The following THRB variants were observed in gnomAD, a reference collection of about 807,000 sequenced individuals.
THRB encodes thyroid hormone receptor beta.
In THRB, 12 loss-of-function variants were observed where a neutral mutation model predicts 47.8. That is an observed-to-expected ratio of 0.25 (90% confidence interval 0.16 to 0.41). The LOEUF (loss-of-function observed/expected upper bound fraction) is 0.41. THRB is among the 10% of genes least tolerant of loss of function. The pLI, the probability that THRB is intolerant of heterozygous loss-of-function variation, is 1.00. For synonymous variants in THRB, 218 were observed against 212.2 expected (o/e 1.03, Z -0.24); for missense variants, 348 against 589.2 (o/e 0.59, Z 4.24).
intron 4 of THRB, among the ~76,000 whole-genome samples, chr3:24,218,362 T>TTTA (rs1553649054): frequency 1.5e-4 from 19 of 128,434 alleles, no homozygotes; most frequent in South Asian, 2.5e-4. Context: ...TTTTTTTTTT[T>TTTA]AAAAAGAAAA....
At chr3:24,167,726 CTCTT>C (rs2039835339) in intron 5 of THRB, among the ~76,000 whole-genome samples, 1 of 152,152 alleles carries the variant, frequency 6.6e-6, no homozygotes, top group Admixed American at 6.5e-5. Context: ...CTGGCTCCCT[CTCTT>C]TCTCATTAAA....
intron 3 of THRB, among the ~76,000 whole-genome samples, chr3:24,268,692 A>G (rs1275979136): frequency 5.9e-5 from 9 of 152,154 alleles, no homozygotes; most frequent in Admixed American, 5.9e-4. Flanking sequence ...CCTATTTTAT[A>G]CCTATGAATG....
chr3:24,387,507 C>T (rs969861663), intron 1 of THRB, among the ~76,000 whole-genome samples: 5 of 152,122 alleles, frequency 3.3e-5, no homozygotes, highest in African/African-American at 1.2e-4. Context: ...TTCTGATCAC[C>T]CCTGTGAGAA....
intron 4 of THRB, among the ~76,000 whole-genome samples, chr3:24,228,632 C>CAAAAAAAAAAAAAAAAAA (rs1213827281): frequency 1.7e-5 from 1 of 59,198 alleles, no homozygotes; most frequent in African/African-American, 6.9e-5. Flanking sequence ...GACCATGTCT[C>CAAAAAAAAAAAAAAAAAA]AAAGAAAAAA....
intron 2 of THRB, among the ~76,000 whole-genome samples, chr3:24,334,175 C>G (rs988309975): frequency 1.3e-5 from 2 of 152,054 alleles, no homozygotes; most frequent in Admixed American, 1.3e-4. Context: ...GTCAAAATGC[C>G]CTACTGCAAT....
At chr3:24,252,273 T>C (rs1461716467) in intron 3 of THRB, among the ~76,000 whole-genome samples, 1 of 152,090 alleles carries the variant, frequency 6.6e-6, no homozygotes, top group Admixed American at 6.6e-5. Flanking sequence ...AGTGCAGTAT[T>C]GGTGCATGAA....
At chr3:24,294,842 G>A (rs1285724727) in intron 3 of THRB, among the ~76,000 whole-genome samples, 3 of 152,128 alleles carry the variant, frequency 2.0e-5, no homozygotes, top group Non-Finnish European at 4.4e-5. Context: ...TTGACTCTAG[G>A]GACTAGCAAG....
intron 1 of THRB, among the ~76,000 whole-genome samples, chr3:24,446,372 C>T (rs2072071754): frequency 6.6e-6 from 1 of 152,152 alleles, no homozygotes; most frequent in Non-Finnish European, 1.5e-5. Context: ...TTCCTGCTCA[C>T]CTCTGCCAAT....
intron 3 of THRB, among the ~76,000 whole-genome samples, chr3:24,240,050 G>T (rs1436684450): frequency 6.6e-6 from 1 of 152,104 alleles, no homozygotes; most frequent in East Asian, 1.9e-4. Flanking sequence ...GGGTTGCTGT[G>T]GTACCCAAGG....
chr3:24,146,140 C>G (rs1191706254), intron 7 of THRB, among the ~76,000 whole-genome samples: 1 of 152,176 alleles, frequency 6.6e-6, no homozygotes, highest in African/African-American at 2.4e-5. Flanking sequence ...CAGGATGACT[C>G]ATGCAATAGC....
chr3:24,312,192 T>G (rs2057802826), intron 2 of THRB, among the ~76,000 whole-genome samples: 1 of 152,258 alleles, frequency 6.6e-6, no homozygotes, highest in African/African-American at 2.4e-5. Context: ...CAAGTCAGAG[T>G]TAGGTGCCCC....
At chr3:24,493,365 T>C (rs1312600924) in intron 1 of THRB, among the ~76,000 whole-genome samples, 1 of 152,218 alleles carries the variant, frequency 6.6e-6, no homozygotes. Flanking sequence ...TAAATAAGCA[T>C]ACTAAACTAA....
chr3:24,471,160 T>C (rs1257547783), intron 1 of THRB, among the ~76,000 whole-genome samples: 3 of 152,292 alleles, frequency 2.0e-5, no homozygotes, highest in Admixed American at 6.5e-5. Flanking sequence ...TTGAGTAGAA[T>C]TGTTCTTCTA....
chr3:24,418,793 CA>C (rs1278341110), intron 1 of THRB, among the ~76,000 whole-genome samples: 3 of 151,950 alleles, frequency 2.0e-5, no homozygotes, highest in Non-Finnish European at 4.4e-5. Flanking sequence ...GTACATAGGG[CA>C]ATGCCCTCAA....
At chr3:24,369,072 G>T (rs2064713668) in intron 1 of THRB, among the ~76,000 whole-genome samples, 1 of 151,866 alleles carries the variant, frequency 6.6e-6, no homozygotes, top group South Asian at 2.1e-4. Context: ...TCACTATGTT[G>T]CCCAGGCTGG....
At chr3:24,194,154 A>C (rs535666734) in intron 4 of THRB, among the ~76,000 whole-genome samples, 1 of 152,342 alleles carries the variant, frequency 6.6e-6, no homozygotes, top group African/African-American at 2.4e-5. Flanking sequence ...ATAAAAGACT[A>C]CACATTGGGT....
intron 5 of THRB, among the ~76,000 whole-genome samples, chr3:24,168,361 ATTTTC>A (rs1351370274): frequency 6.6e-6 from 1 of 151,926 alleles, no homozygotes; most frequent in African/African-American, 2.4e-5. Flanking sequence ...TTGTTGTCTT[ATTTTC>A]TTGATTGCCT....
At chr3:24,372,749 T>C (rs2065007501) in intron 1 of THRB, among the ~76,000 whole-genome samples, 3 of 152,102 alleles carry the variant, frequency 2.0e-5, no homozygotes, top group Admixed American at 2.0e-4. Context: ...GGAAATTAAA[T>C]GACATGCTCA....
intron 1 of THRB, among the ~76,000 whole-genome samples, chr3:24,427,281 A>G (rs973966942): frequency 5.3e-5 from 8 of 152,026 alleles, no homozygotes; most frequent in Non-Finnish European, 1.2e-4. Context: ...AATGAACACA[A>G]TCTGGTTCTA....
Sources: allele counts gnomAD v4.1 joint callset (sites outside exome capture counted in the v4.1 genomes callset), GRCh38; gene constraint gnomAD v4.1.1; transcripts MANE v1.5; gene names NCBI Gene and HGNC (gene_info 2026-07-23, HGNC 2026-07-21).